NRG3: variants seen among roughly 807,000 people sequenced by gnomAD.
NRG3 encodes pro-neuregulin-3, membrane-bound isoform.
Under a neutral mutation model 66.9 loss-of-function variants are expected in NRG3, and 31 were observed. The observed-to-expected ratio is 0.46, with a 90% CI of 0.35 to 0.63. The LOEUF (loss-of-function observed/expected upper bound fraction) is 0.63. NRG3 is among the 20% of genes least tolerant of loss of function. The pLI is 0.00. For synonymous variants in NRG3, 393 were observed against 359.4 expected (o/e 1.09, Z -1.06); for missense variants, 910 against 878.9 (o/e 1.04, Z -0.45).
chr10:82,677,417 T>C (rs2053788258), intron 2 of NRG3, among the ~76,000 whole-genome samples: 1 of 152,138 alleles, frequency 6.6e-6, no homozygotes, highest in African/African-American at 2.4e-5. Flanking sequence ...TGGAATCAGT[T>C]TCAGACTATG....
chr10:82,935,167 G>T (rs1259920460), intron 4 of NRG3, among the ~76,000 whole-genome samples: 2 of 152,146 alleles, frequency 1.3e-5, no homozygotes, highest in African/African-American at 2.4e-5. Context: ...TATAGGTAAG[G>T]TTTATCAACA....
intron 1 of NRG3, among the ~76,000 whole-genome samples, chr10:82,018,109 G>A (rs960772434): frequency 6.6e-6 from 1 of 152,114 alleles, no homozygotes; most frequent in African/African-American, 2.4e-5. Flanking sequence ...ATTAATTTTT[G>A]TGTAAGGTGT....
At chr10:82,302,733 G>A (rs1202771622) in intron 1 of NRG3, among the ~76,000 whole-genome samples, 3 of 152,150 alleles carry the variant, frequency 2.0e-5, no homozygotes, top group African/African-American at 7.2e-5. Flanking sequence ...TCAATTTCAC[G>A]ATGACAAGAT....
chr10:82,811,028 CCTTCCTTCA>C (rs140373710), intron 3 of NRG3, among the ~76,000 whole-genome samples: 11,024 of 152,040 alleles, frequency 0.073, 394 homozygotes, highest in Middle Eastern at 0.11. Context: ...TTGCAGGGCC[CCTTCCTTCA>C]CTTCCTTCAA....
chr10:81,991,673 A>G (rs2060747013), intron 1 of NRG3, among the ~76,000 whole-genome samples: 2 of 152,174 alleles, frequency 1.3e-5, no homozygotes, highest in South Asian at 4.1e-4. Context: ...ACACAAAAAC[A>G]AAACAAAATG....
chr10:82,246,638 AG>A (rs1564706649), intron 1 of NRG3, among the ~76,000 whole-genome samples: 1 of 152,206 alleles, frequency 6.6e-6, no homozygotes, highest in East Asian at 1.9e-4. Context: ...TGACCAAAAG[AG>A]GGGTTAAATA....
chr10:82,843,158 A>T (rs2063145151), intron 3 of NRG3: 1 of 407,872 alleles, frequency 2.5e-6, no homozygotes, highest in Non-Finnish European at 5.0e-6. Context: ...TTATTGCATT[A>T]GTAATTGCTA....
Position 82,804,868 on chromosome 10 carries a change from C to G in NRG3, c.1028-60543C>G, listed in dbSNP as rs563427943. Among the ~76,000 whole-genome samples the G allele has an allele frequency of 4.6e-5, 7 of 152,308 alleles. 1 individual carries two copies. In the East Asian group the frequency reaches 1.4e-3, roughly 29 times the overall value. ...ACATTCTCAAATTTACCTTCCCTGA[C>G]TACAGAAGTTACCAAATGTGGAAAC... On this transcript the variant is annotated intron_variant, in intron 3 of 8. Coordinates refer to ENST00000372141, the MANE Select transcript of NRG3 (RefSeq NM_001010848.4).
intron 3 of NRG3, among the ~76,000 whole-genome samples, chr10:82,789,556 A>G (rs1025235191): frequency 9.9e-5 from 15 of 151,982 alleles, no homozygotes; most frequent in African/African-American, 3.6e-4. Flanking sequence ...TACCTTCAAG[A>G]TATTTGATAC....
chr10:82,113,716 T>C (rs996996618), intron 1 of NRG3, among the ~76,000 whole-genome samples: 1 of 152,172 alleles, frequency 6.6e-6, no homozygotes, highest in African/African-American at 2.4e-5. Flanking sequence ...TTCCTGGTTT[T>C]GATAATTGCA....
chr10:82,029,082 G>A lies in NRG3; in HGVS notation c.823+152919G>A, dbSNP rs143118609. Among the ~76,000 whole-genome samples the A allele has an allele frequency of 3.4e-3, 513 of 152,054 alleles. 7 individuals are homozygous for A. Among genetic ancestry groups the A allele is most frequent in the Admixed American group, 0.02 (312 of 15,262 alleles). ...AAATTAGCCAGGCATGGTCGTGGGCGCTTGTAATCCCAGCTGCTCGGGAGG... is the reference window on the plus strand; with the variant it reads ...AAATTAGCCAGGCATGGTCGTGGGCACTTGTAATCCCAGCTGCTCGGGAGG... On this transcript the variant is annotated intron_variant, in intron 1 of 8. Transcript: ENST00000372141.
At chr10:82,697,431 C>T (rs1255256328) in intron 2 of NRG3, among the ~76,000 whole-genome samples, 1 of 152,170 alleles carries the variant, frequency 6.6e-6, no homozygotes. Context: ...ACTCAGGCAG[C>T]TAGCCATCTT....
At chr10:82,903,239 C>T (rs1274340161) in intron 4 of NRG3, among the ~76,000 whole-genome samples, 3 of 152,122 alleles carry the variant, frequency 2.0e-5, no homozygotes, top group South Asian at 2.1e-4. Context: ...TTGTTGCTAT[C>T]GTGGTGAGCC....
chr10:82,837,493 G>A (rs2062839263), intron 3 of NRG3, among the ~76,000 whole-genome samples: 1 of 152,046 alleles, frequency 6.6e-6, no homozygotes, highest in Non-Finnish European at 1.5e-5. Flanking sequence ...ATAAGAAATG[G>A]CATATAATTA....
intron 1 of NRG3, among the ~76,000 whole-genome samples, chr10:81,970,663 GGGTGTGT>G (rs1252807584): frequency 1.3e-5 from 2 of 152,044 alleles, no homozygotes; most frequent in Non-Finnish European, 2.9e-5. Flanking sequence ...GTGTGTGTGT[GGGTGTGT>G]GGTGTGTGGT....
chr10:81,913,653 G>A (rs968100925), intron 1 of NRG3, among the ~76,000 whole-genome samples: 3 of 151,984 alleles, frequency 2.0e-5, no homozygotes, highest in Non-Finnish European at 4.4e-5. Context: ...CGAACTCGTG[G>A]CCTCAGGTGA....
intron 1 of NRG3, among the ~76,000 whole-genome samples, chr10:82,333,955 T>C (rs1564806140): frequency 6.6e-6 from 1 of 152,056 alleles, no homozygotes; most frequent in Admixed American, 6.5e-5. Context: ...TTTGGGAGGC[T>C]GAGGCGGGCG....
At chr10:82,184,640 G>A (rs1222554429) in intron 1 of NRG3, among the ~76,000 whole-genome samples, 1 of 152,068 alleles carries the variant, frequency 6.6e-6, no homozygotes, top group Non-Finnish European at 1.5e-5. Context: ...TTCACTTTCT[G>A]GAGACAATTA....
At chr10:82,775,368 T>C (rs1591485144) in intron 3 of NRG3, among the ~76,000 whole-genome samples, 1 of 152,244 alleles carries the variant, frequency 6.6e-6, no homozygotes, top group South Asian at 2.1e-4. Flanking sequence ...CTTTGACCAA[T>C]TGGTTGTTCA....
Sources: gnomAD v4.1 joint callset for allele counts (sites outside exome capture counted in the v4.1 genomes callset) on GRCh38, gnomAD v4.1.1 for gene constraint, MANE v1.5 for transcripts, NCBI Gene and HGNC (gene_info 2026-07-23, HGNC 2026-07-21) for gene names.